The following MYH3 variants were observed in gnomAD, a reference collection of about 807,000 sequenced individuals.
MYH3 encodes myosin heavy chain 3.
Under a neutral mutation model 238.0 loss-of-function variants are expected in MYH3, and 130 were observed. The observed-to-expected ratio is 0.55, with a 90% CI of 0.47 to 0.63. The LOEUF is 0.63. Among genes scored for constraint, MYH3 ranks in the 30% least tolerant of loss-of-function variants. MYH3 has a pLI of 0.00. For missense variants in MYH3, 1,853 were observed against 2,374.9 expected (o/e 0.78, Z 4.57); for synonymous variants, 880 against 924.1 (o/e 0.95, Z 0.86).
In MYH3 at chr17:10,651,575, G is replaced by C. The variant is rs1349571031; in HGVS notation, c.442C>G (p.Arg148Gly). 13 of 1,613,884 alleles carry C rather than the reference G, an allele frequency of 8.1e-6. No individual in the cohort carries two copies. The highest frequency in any genetic ancestry group is 1.0e-5 in the Non-Finnish European group (12 of 1,179,950). ...AAGATGTGGGGTGGGGCCTCCTGGCGCTTTTTGCCTCGGTAGCCTTCCACC... is the reference window on the plus strand; with the variant it reads ...AAGATGTGGGGTGGGGCCTCCTGGCCCTTTTTGCCTCGGTAGCCTTCCACC... ...EVVEGYRGKKRQEAPPHIFSI... is the reference protein window; with the variant it reads ...EVVEGYRGKKGQEAPPHIFSI... Residue 148 changes from arginine to glycine, a missense_variant, in exon 5 of 41, where the codon CGC becomes GGC. Arg to Gly is a moderately radical substitution (Grantham distance 125). This residue lies in a region of MYH3 where 678 missense variants were observed against 1,058.9 expected (regional missense o/e 0.64). Transcript: ENST00000583535.
chr17:10,664,166 A>C, the MYH3 span, among the ~76,000 whole-genome samples: 86,621 of 151,754 alleles, frequency 0.57, 27,076 homozygotes, highest in African/African-American at 0.83. Flanking sequence ...GGTTATGTAG[A>C]GTCTTATAAA....
Position 10,639,807 on chromosome 17 carries a change from A to AAAAAAAAAG in MYH3, c.2683-14_2683-6dup, listed in dbSNP as rs2074251501. 2 of 1,610,542 alleles carry AAAAAAAAAG rather than the reference A, an allele frequency of 1.2e-6. No homozygotes were observed. Among genetic ancestry groups the AAAAAAAAAG allele is most frequent in the East Asian group, 4.5e-5 (2 of 44,792 alleles). Reference sequence around the variant, plus strand: ...ATCCAACAAATTTTCGCTTTCCTTAAAAAAAAAAGAATAATAACTTCGTTG... The same window carrying AAAAAAAAAG: ...ATCCAACAAATTTTCGCTTTCCTTAAAAAAAAAAGAAAAAAAAGAATAATAACTTCGTTG... On this transcript the variant is annotated splice_region_variant and splice_polypyrimidine_tract_variant and intron_variant, in intron 22 of 40. Coordinates refer to ENST00000583535, the MANE Select transcript of MYH3 (RefSeq NM_002470.4).
At position 10,645,774 on chromosome 17, in the gene MYH3, C is replaced by T; in HGVS notation, c.1074G>A (p.Met358Ile). 1 of 1,613,898 alleles carries T rather than the reference C, an allele frequency of 6.2e-7. No homozygotes were observed. Among genetic ancestry groups the T allele is most frequent in the Non-Finnish European group, 8.5e-7 (1 of 1,180,008 alleles). The change falls in exon 12 of 41, where the codon ATG (methionine) becomes ATA (isoleucine). Residue 358 changes from methionine to isoleucine, a missense_variant. Coordinates refer to ENST00000583535, the MANE Select transcript of MYH3 (RefSeq NM_002470.4). ...SGLYKLTGAV[M>I]HYGNMKFKQK... is the part of the protein sequence containing the mutation. The stretch of plus-strand genomic sequence containing the variant: ...GCTTGAACTTCATGTTCCCGTAGTG[C>T]ATCACGGCTCCCGTCAGCTTGTAGA...
rs577625304 is a variant in MYH3 at position 10,638,934 on chromosome 17, C to G, written c.3278G>C (p.Ser1093Thr). The G allele has an allele frequency of 6.2e-7, 1 of 1,614,182 alleles. No homozygotes were observed. Among genetic ancestry groups the G allele is most frequent in the East Asian group, 2.2e-5 (1 of 44,884 alleles). The change falls in exon 26 of 41, where the codon AGC (serine) becomes ACC (threonine). Residue 1093 changes from serine (S) to threonine (T), a missense_variant. By Grantham distance (58) the Ser-to-Thr change is moderately conservative. Around this residue, in one of 3 missense-constraint regions of MYH3, gnomAD observed 1,044 missense variants for 1,192.6 expected, o/e 0.88. Coordinates refer to ENST00000583535, the MANE Select transcript of MYH3 (RefSeq NM_002470.4). ...CAGTGTCTGCTCATCTTCCACTTTG[C>G]TTTGAAGTTGACAATATTCAAAATC... ...KKDFEYCQLQ[S>T]KVEDEQTLGL...
chr17:10,630,736 A>G (rs1029024090), intron 36 of MYH3, among the ~76,000 whole-genome samples: 1 of 152,148 alleles, frequency 6.6e-6, no homozygotes, highest in Non-Finnish European at 1.5e-5. Flanking sequence ...CCGTATTCCC[A>G]GCTACTCCGG....
Position 10,630,386 on chromosome 17 carries a change from G to A in MYH3, c.5359C>T (p.Leu1787=), listed in dbSNP as rs766535672. 5 of 1,614,066 alleles carry A rather than the reference G, an allele frequency of 3.1e-6. No homozygotes were observed. Among genetic ancestry groups the A allele is most frequent in the South Asian group, 1.1e-5 (1 of 91,084 alleles). Residue 1787 remains leucine (L), a synonymous_variant, in exon 37 of 41, where the codon CTG becomes TTG. Transcript: ENST00000583535. Reference sequence around the variant, plus strand: ...TGCAGGTCCTTCACCGTCTGTTCCAGGTTCTTCTTCATCCGCTCAAGGTGG... The same window carrying A: ...TGCAGGTCCTTCACCGTCTGTTCCAAGTTCTTCTTCATCCGCTCAAGGTGG... ...SAHLERMKKN[L]EQTVKDLQHR...
chr17:10,638,419 TC>T lies in MYH3; in HGVS notation c.3352del (p.Glu1118SerfsTer6). ...KIKELQARIE[E>X]LEEEIEAERA... is the part of the protein sequence containing the mutation. ...CTCCGCCTCTATCTCCTCTTCCAGC[TC>T]CTCAATTCGAGCCTGTGGAGGGCAG... On this transcript the variant is annotated frameshift_variant, in exon 27 of 41. Coordinates refer to ENST00000583535, the MANE Select transcript of MYH3 (RefSeq NM_002470.4). LOFTEE classifies it high-confidence loss of function. The T allele has an allele frequency of 1.9e-6, 3 of 1,600,112 alleles. No homozygotes were observed. Among genetic ancestry groups the T allele is most frequent in the Non-Finnish European group, 2.5e-6 (3 of 1,179,926 alleles).
chr17:10,651,870 A>G, intron 4 of MYH3: 1 of 667,642 alleles, frequency 1.5e-6, no homozygotes, highest in Non-Finnish European at 2.4e-6. Context: ...CAGCCTCCCG[A>G]GTAGCTGGGA....
intron 28 of MYH3, among the ~76,000 whole-genome samples, chr17:10,637,550 TTGAA>T (rs2074227029): frequency 6.6e-6 from 1 of 152,214 alleles, no homozygotes; most frequent in African/African-American, 2.4e-5. Context: ...TTGAAAGAGT[TTGAA>T]TGAGATGATA....
intron 29 of MYH3, 66 bp from the exon 30 acceptor site, chr17:10,635,629 T>C: frequency 1.9e-6 from 3 of 1,614,102 alleles, no homozygotes; most frequent in Non-Finnish European, 2.5e-6. Flanking sequence ...ACAATCCAAG[T>C]GTGTCCCTTC....
Position 10,649,690 on chromosome 17 carries a change from A to T in MYH3, c.534-5T>A. On this transcript the variant is annotated splice_region_variant and splice_polypyrimidine_tract_variant and intron_variant, in intron 6 of 40. Transcript: ENST00000583535. ...TTTCCTGCCCCGGATTCTCCGCTGT[A>T]CAGAGTGATCAAAAGAGAGAGAAAG... 6.2e-7 allele frequency: 1 copy of T among 1,613,256 alleles called. No homozygotes were observed. The highest frequency in any genetic ancestry group is 8.5e-7 in the Non-Finnish European group (1 of 1,179,164).
rs140948162 is a variant in MYH3, at chr17:10,630,104, C to T, written c.5550G>A (p.Glu1850=). 87 of 1,614,160 alleles carry T rather than the reference C, an allele frequency of 5.4e-5. No individual in the cohort carries two copies. Among genetic ancestry groups the T allele is most frequent in the South Asian group, 4.5e-4 (41 of 91,088 alleles). The part of the protein sequence containing the change: ...GLRKYERRVK[E]LTYQSEEDRK... ...GCGTTCCACTTACCTGGTACGTCAGCTCCTTGACCCTCCGCTCATACTTCC... is the reference window on the plus strand; with the variant it reads ...GCGTTCCACTTACCTGGTACGTCAGTTCCTTGACCCTCCGCTCATACTTCC... Residue 1850 remains glutamate, a synonymous_variant, in exon 38 of 41, where the codon GAG becomes GAA. Transcript: ENST00000583535.
chr17:10,653,034 T>C (rs2074393924), intron 3 of MYH3, among the ~76,000 whole-genome samples: 1 of 152,124 alleles, frequency 6.6e-6, no homozygotes, highest in Non-Finnish European at 1.5e-5. Context: ...GGAAAGGCTA[T>C]GGGGCGGCTT....
upstream of MYH3, chr17:10,658,617 T>A (rs1316038923): frequency 2.6e-5 from 4 of 152,254 alleles, no homozygotes; most frequent in Non-Finnish European, 4.4e-5. Context: ...GATTTCACAT[T>A]GAAGCAACAA....
At chr17:10,660,686 A>AAAG (rs2074474516), upstream of MYH3, among the ~76,000 whole-genome samples, 1 of 141,348 alleles carries the variant, frequency 7.1e-6, no homozygotes, top group African/African-American at 2.7e-5. Flanking sequence ...CGGAAAAAAA[A>AAAG]AAAATTCTAT....
intron 30 of MYH3, 36 bp downstream of exon 30, chr17:10,635,331 T>G (rs1392806533): frequency 1.9e-6 from 3 of 1,613,948 alleles, no homozygotes; most frequent in Non-Finnish European, 2.5e-6. Flanking sequence ...AATTCATTCC[T>G]AAGTAGTTCT....
At chr17:10,632,307 T>G (rs2074170623) in intron 34 of MYH3, among the ~76,000 whole-genome samples, 169 bp downstream of exon 34, 1 of 152,124 alleles carries the variant, frequency 6.6e-6, no homozygotes, top group Non-Finnish European at 1.5e-5. Flanking sequence ...TTTGTAGAGA[T>G]AAGGTTTTGC....
chr17:10,638,026 C>G lies in MYH3; in HGVS notation c.3729+17G>C. The G allele has an allele frequency of 6.2e-7, 1 of 1,614,016 alleles. No homozygotes were observed. Among genetic ancestry groups the G allele is most frequent in the Non-Finnish European group, 8.5e-7 (1 of 1,180,026 alleles). On this transcript the variant is annotated intron_variant, in intron 27 of 40. Coordinates refer to ENST00000583535, the MANE Select transcript of MYH3 (RefSeq NM_002470.4). ...GTCTGATGGAAAGCCTTGAGCCACCCCCACCCCGCGCAGCACCTTAGATTT... is the reference window on the plus strand; with the variant it reads ...GTCTGATGGAAAGCCTTGAGCCACCGCCACCCCGCGCAGCACCTTAGATTT...
At chr17:10,657,642 G>A (rs1482308340), upstream of MYH3, among the ~76,000 whole-genome samples, 1 of 152,172 alleles carries the variant, frequency 6.6e-6, no homozygotes, top group Non-Finnish European at 1.5e-5. Flanking sequence ...CCCTGAACGC[G>A]GCGTGAGCCC....
Sources: gnomAD v4.1 joint callset for allele counts (sites outside exome capture counted in the v4.1 genomes callset) on GRCh38, gnomAD v4.1.1 for gene constraint, gnomAD v4.1.1 regional missense constraint, MANE v1.5 for transcripts, NCBI Gene and HGNC (gene_info 2026-07-23, HGNC 2026-07-21) for gene names.